Variants in SNX29 observed in about 807,000 individuals in gnomAD.
SNX29 encodes sorting nexin-29.
Under a neutral mutation model 102.1 loss-of-function variants are expected in SNX29, and 78 were observed. That is an observed-to-expected ratio of 0.76 (90% CI 0.64 to 0.92). The LOEUF is 0.92. SNX29 is among the 40% of genes least tolerant of loss of function. SNX29 has a pLI of 0.00. For synonymous variants in SNX29, 580 were observed against 414.5 expected, an observed-to-expected ratio of 1.40 and a Z score of -4.85; for missense variants, 1,280 against 1,061.7, an observed-to-expected ratio of 1.21 and a Z score of -2.86.
chr16:12,558,842 C>A (rs1256784190), intron 20 of SNX29, among the ~76,000 whole-genome samples: 1 of 152,198 alleles, frequency 6.6e-6, no homozygotes, highest in East Asian at 1.9e-4. Flanking sequence ...TCACCAAGAG[C>A]CACAAGAGGG....
chr16:12,138,367 C>G (rs957544012), intron 13 of SNX29, among the ~76,000 whole-genome samples: 13 of 151,910 alleles, frequency 8.6e-5, no homozygotes, highest in Non-Finnish European at 1.5e-4. Context: ...GCCACCATGC[C>G]CAGCTCATTT....
intron 20 of SNX29, among the ~76,000 whole-genome samples, chr16:12,539,969 C>T (rs1055384429): frequency 1.1e-4 from 16 of 152,164 alleles, no homozygotes; most frequent in Non-Finnish European, 1.8e-4. Flanking sequence ...GTGAGTTGCA[C>T]ATATTTTCTT....
intron 15 of SNX29, among the ~76,000 whole-genome samples, chr16:12,294,164 C>G (rs780213559): frequency 2.0e-5 from 3 of 152,224 alleles, no homozygotes; most frequent in Non-Finnish European, 4.4e-5. Context: ...GTCACCTGAC[C>G]TCTGTGAGCC....
At chr16:12,064,257 T>C (rs1048432963) in intron 9 of SNX29, among the ~76,000 whole-genome samples, 6 of 152,162 alleles carry the variant, frequency 3.9e-5, no homozygotes, top group African/African-American at 1.4e-4. Flanking sequence ...CCATCAGACA[T>C]CCGGGTCTCC....
intron 20 of SNX29, among the ~76,000 whole-genome samples, chr16:12,563,529 A>G (rs1313788812): frequency 1.3e-5 from 2 of 152,184 alleles, no homozygotes; most frequent in African/African-American, 2.4e-5. Context: ...TGAAAAATTG[A>G]GTTGTCTCCC....
At chr16:12,490,065 C>T (rs2088466678) in intron 19 of SNX29, among the ~76,000 whole-genome samples, 1 of 152,220 alleles carries the variant, frequency 6.6e-6, no homozygotes, top group Non-Finnish European at 1.5e-5. Context: ...CTCAGCCTCC[C>T]AAAGTGCTGG....
intron 19 of SNX29, among the ~76,000 whole-genome samples, chr16:12,513,729 T>C (rs1168865343): frequency 2.0e-5 from 3 of 152,202 alleles, no homozygotes; most frequent in South Asian, 4.1e-4. Context: ...GCAATTGTAT[T>C]ATTTTCCCCA....
At chr16:12,564,544 C>G (rs72775229) in intron 20 of SNX29, among the ~76,000 whole-genome samples, 28,736 of 152,152 alleles carry the variant, frequency 0.19, 3,554 homozygotes, top group Non-Finnish European at 0.27. Flanking sequence ...GAGTTAAGGC[C>G]TTTGGCAACC....
rs34099498 is a variant in SNX29, at chr16:12,275,881, G to GTTTTT, written c.1679-2035_1679-2031dup. On this transcript the variant is annotated intron_variant, in intron 14 of 20. Transcript: ENST00000566228. ...TCACCTCATAGGAAACATTTTAATT[G>GTTTTT]TTTTTTTTTTTTTTTTTTTTTGGGG... Among the ~76,000 whole-genome samples the GTTTTT allele has an allele frequency of 2.2e-3, 229 of 104,062 alleles. 2 individuals carry two copies. Among genetic ancestry groups the GTTTTT allele is most frequent in the African/African-American group, 8.0e-3 (213 of 26,708 alleles). 68.3% of individuals were successfully genotyped at this position (104,062 alleles called of 152,430 possible). A position where few individuals can be genotyped will look rare whatever the true frequency, so the allele number is the denominator to read the frequency against.
chr16:12,572,555 C>G lies in SNX29; in HGVS notation c.*3926C>G. 2 of 1,063,782 alleles carry G rather than the reference C, an allele frequency of 1.9e-6. No homozygotes were observed. Among genetic ancestry groups the G allele is most frequent in the Non-Finnish European group, 2.3e-6 (2 of 878,278 alleles). The allele number at this position is 1,063,782 out of a possible 1,614,324, so 65.9% of individuals were successfully genotyped here. On this transcript the variant is annotated 3_prime_UTR_variant, in exon 21 of 21. Transcript: ENST00000566228. ...CAGGGGGCTGCGACACCATCTGGCT[C>G]CTCACAGGGAGGTCCAGCCATGTTC...
intron 14 of SNX29, among the ~76,000 whole-genome samples, chr16:12,233,099 C>T (rs1596576780): frequency 6.6e-6 from 1 of 151,926 alleles, no homozygotes; most frequent in Non-Finnish European, 1.5e-5. Flanking sequence ...TCTTTGTCTT[C>T]TTTGTCTTTG....
At chr16:12,501,089 T>C (rs1178696507) in intron 19 of SNX29, among the ~76,000 whole-genome samples, 1 of 152,190 alleles carries the variant, frequency 6.6e-6, no homozygotes, top group Non-Finnish European at 1.5e-5. Flanking sequence ...CGCTTCTGCC[T>C]CTTCCTATGG....
chr16:12,572,306 C>T lies in SNX29; in HGVS notation c.*3677C>T, dbSNP rs2079204049. The T allele has an allele frequency of 2.2e-6, 2 of 894,932 alleles. No homozygotes were observed. Among genetic ancestry groups the T allele is most frequent in the Admixed American group, 3.1e-4 (1 of 3,234 alleles). 55.4% of individuals were successfully genotyped at this position (894,932 alleles called of 1,614,324 possible). A position where few individuals can be genotyped will look rare whatever the true frequency, so the allele number is the denominator to read the frequency against. ...AGTACTGGGGCCAGTGATCACAATC[C>T]AGGTTGGAAACAGGAGTGAAGCCCA... On this transcript the variant is annotated 3_prime_UTR_variant, in exon 21 of 21. Transcript: ENST00000566228.
At chr16:12,503,633 G>A (rs563748223) in intron 19 of SNX29, among the ~76,000 whole-genome samples, 12 of 152,178 alleles carry the variant, frequency 7.9e-5, no homozygotes, top group South Asian at 2.1e-4. Flanking sequence ...GCTGGCTCCA[G>A]GGCTGGAGCG....
intron 13 of SNX29, among the ~76,000 whole-genome samples, chr16:12,183,455 G>C (rs879135426): frequency 2.6e-4 from 39 of 151,700 alleles, no homozygotes; most frequent in Admixed American, 1.3e-4. Context: ...CTAAATAAAT[G>C]AATAAACACA....
At chr16:12,051,760 T>C in intron 7 of SNX29, 87 bp from the exon 8 acceptor site, 2 of 1,533,472 alleles carry the variant, frequency 1.3e-6, no homozygotes, top group Non-Finnish European at 1.8e-6. Flanking sequence ...AATAGTATTT[T>C]CCATAACCTG....
rs1438607772 is a variant in SNX29, at chr16:12,370,116, G to T, written c.1899+13837G>T. Among the ~76,000 whole-genome samples, 4 of 151,960 alleles carry T rather than the reference G, an allele frequency of 2.6e-5. No homozygotes were observed. In the East Asian group the frequency reaches 7.7e-4, roughly 29 times the overall value. On this transcript the variant is annotated intron_variant, in intron 16 of 20. Transcript: ENST00000566228. Reference sequence around the variant, plus strand: ...ATGTGCCCTTAATCCCAGCTACTCGGGAGGCTGAAGCAGAAGAATCGCTTA... The same window carrying T: ...ATGTGCCCTTAATCCCAGCTACTCGTGAGGCTGAAGCAGAAGAATCGCTTA...
intron 18 of SNX29, among the ~76,000 whole-genome samples, chr16:12,451,384 T>G (rs2086292976): frequency 1.3e-5 from 2 of 151,994 alleles, no homozygotes; most frequent in Admixed American, 1.3e-4. Flanking sequence ...GAGCTGGGAG[T>G]ATTAGAGGCT....
chr16:12,512,874 C>T (rs947359861), intron 19 of SNX29, among the ~76,000 whole-genome samples: 4 of 152,152 alleles, frequency 2.6e-5, no homozygotes, highest in Non-Finnish European at 5.9e-5. Flanking sequence ...CAGGGCGAGG[C>T]CTGTTTCCTC....
Sources: gnomAD v4.1 joint callset for allele counts (sites outside exome capture counted in the v4.1 genomes callset) on GRCh38, gnomAD v4.1.1 for gene constraint, MANE v1.5 for transcripts, NCBI Gene and HGNC (gene_info 2026-07-23, HGNC 2026-07-21) for gene names.